Variants in ZNF280B observed in about 807,000 individuals in gnomAD.
ZNF280B encodes the protein zinc finger protein 280B.
ZNF280B carries 16 observed loss-of-function variants against 38.0 expected under a neutral mutation model. The observed-to-expected ratio is 0.42, with a 90% CI of 0.28 to 0.64. The LOEUF is 0.64. ZNF280B is among the 30% of genes least tolerant of loss of function. ZNF280B has a pLI of 0.21. For synonymous variants in ZNF280B, 253 were observed against 230.6 expected (o/e 1.10, Z -0.88); for missense variants, 581 against 639.6 (o/e 0.91, Z 0.99).
Position 22,486,286 on chromosome 22 carries a change from T to C in ZNF280B, c.*1481A>G, listed in dbSNP as rs1392549410. ...ATATAAAGCCATTATGGGTTTAAATTCAGTCAGTCACCCTGGGCTATTTTT... is the reference window on the plus strand; with the variant it reads ...ATATAAAGCCATTATGGGTTTAAATCCAGTCAGTCACCCTGGGCTATTTTT... On this transcript the variant is annotated 3_prime_UTR_variant, in exon 4 of 4. Transcript: ENST00000626650. The C allele has an allele frequency of 6.6e-6, 1 of 152,286 alleles. No homozygotes were observed. The highest frequency in any genetic ancestry group is 1.5e-5 in the Non-Finnish European group (1 of 68,028). 9.4% of individuals were successfully genotyped at this position (152,286 alleles called of 1,614,324 possible).
At chr22:22,493,302 C>T (rs1020845782) in intron 3 of ZNF280B, among the ~76,000 whole-genome samples, 1 of 151,884 alleles carries the variant, frequency 6.6e-6, no homozygotes, top group Non-Finnish European at 1.5e-5. Flanking sequence ...CCACCATGCC[C>T]GGCCAATCTG....
In ZNF280B at chr22:22,493,779, C is replaced by A. The variant is rs2061643603; in HGVS notation, c.-69+284G>T. On this transcript the variant is annotated intron_variant, in intron 3 of 3. Coordinates refer to ENST00000626650, the MANE Select transcript of ZNF280B (RefSeq NM_080764.4). ...CTTCAAATTATATAACACAACACCA[C>A]AAGATGGATCTTAAAACACAACTGT... 3.3e-5 allele frequency among the ~76,000 whole-genome samples: 5 copies of A among 152,016 alleles called. 1 individual carries two copies. In the South Asian group the frequency reaches 1.0e-3, roughly 32 times the overall value.
At chr22:22,502,909 C>T (rs1302538672) in intron 2 of ZNF280B, among the ~76,000 whole-genome samples, 1 of 151,882 alleles carries the variant, frequency 6.6e-6, no homozygotes, top group African/African-American at 2.4e-5. Context: ...TACAGGTGGG[C>T]CCTAAATGCC....
rs746243078 is a variant in ZNF280B at position 22,489,223 on chromosome 22, T to C, written c.176A>G (p.Asn59Ser). ...ACCCGGGGTGACTCTGTTCAAAATG[T>C]TTGAAACGACTGGTTTTGAATTTGA... is the stretch of plus-strand genomic sequence containing the variant. Reference protein sequence around the residue: ...VTSNSKPVVSNILNRVTPGSW... With the variant: ...VTSNSKPVVSSILNRVTPGSW... The change falls in exon 4 of 4, where the codon AAC (asparagine) becomes AGC (serine). Residue 59 changes from asparagine to serine, a missense_variant. Coordinates refer to ENST00000626650, the MANE Select transcript of ZNF280B (RefSeq NM_080764.4). 2.5e-6 allele frequency: 4 copies of C among 1,613,832 alleles called. No homozygotes were observed. In the Admixed American group the frequency reaches 6.7e-5, roughly 27 times the overall value.
Position 22,484,502 on chromosome 22 carries a change from C to T in ZNF280B, c.*3265G>A, listed in dbSNP as rs920317007. 4 of 152,238 alleles carry T rather than the reference C, an allele frequency of 2.6e-5. No homozygotes were observed. In the East Asian group the frequency reaches 7.8e-4, roughly 30 times the overall value. 9.4% of individuals were successfully genotyped at this position (152,238 alleles called of 1,614,324 possible). A position where few individuals can be genotyped will look rare whatever the true frequency, so the allele number is the denominator to read the frequency against. On this transcript the variant is annotated 3_prime_UTR_variant, in exon 4 of 4. Transcript: ENST00000626650. ...AACATTAATAAAATAATAAATTTCA[C>T]CTGAAAGAACAAGCGAGCAAAATAG...
At chr22:22,490,853 C>T (rs756997738) in intron 3 of ZNF280B, among the ~76,000 whole-genome samples, 24 of 151,584 alleles carry the variant, frequency 1.6e-4, no homozygotes, top group Admixed American at 3.3e-4. Context: ...TTTGGGTATC[C>T]GCATGGCTAG....
chr22:22,498,632 A>C lies in ZNF280B; in HGVS notation c.-186-4452T>G, dbSNP rs570540118. 1.1e-4 allele frequency among the ~76,000 whole-genome samples: 17 copies of C among 151,984 alleles called. 1 individual carries two copies. Among genetic ancestry groups the C allele is most frequent in the African/African-American group, 3.1e-4 (13 of 41,486 alleles). The stretch of plus-strand genomic sequence containing the variant: ...CAGATAGCTATGCTAGTAAATTCTT[A>C]ACGTTTTTAAAAGAATTAACACCAA... On this transcript the variant is annotated intron_variant, in intron 2 of 3. Transcript: ENST00000626650.
rs186387460 is a variant in ZNF280B, at chr22:22,491,347, A to G, written c.-68-1881T>C. Among the ~76,000 whole-genome samples the G allele has an allele frequency of 1.0e-3, 156 of 152,036 alleles. 1 individual carries two copies. Among genetic ancestry groups the G allele is most frequent in the Admixed American group, 4.1e-3 (63 of 15,246 alleles). Reference sequence around the variant, plus strand: ...GACCACAACCAATAGTTTAAAAAAAAAAAAGTTATATGGAGTCCAATTACA... The same window carrying G: ...GACCACAACCAATAGTTTAAAAAAAGAAAAGTTATATGGAGTCCAATTACA... On this transcript the variant is annotated intron_variant, in intron 3 of 3. Transcript: ENST00000626650.
intron 2 of ZNF280B, among the ~76,000 whole-genome samples, chr22:22,501,041 A>C (rs943235956): frequency 3.7e-5 from 5 of 136,090 alleles, no homozygotes; most frequent in Admixed American, 7.5e-5. Context: ...AAAAAAAAAA[A>C]CAAAAAACCA....
intron 2 of ZNF280B, among the ~76,000 whole-genome samples, chr22:22,497,900 C>A (rs1168202653): frequency 6.6e-6 from 1 of 151,862 alleles, no homozygotes; most frequent in Non-Finnish European, 1.5e-5. Context: ...TACTCAAGTA[C>A]ATGTATACTT....
chr22:22,497,207 TTA>T (rs2061716111), intron 2 of ZNF280B, among the ~76,000 whole-genome samples: 2 of 84,346 alleles, frequency 2.4e-5, no homozygotes, highest in Non-Finnish European at 4.2e-5. Context: ...GTCTCCATCT[TTA>T]AAAAAAAAAA....
chr22:22,494,436 C>T (rs2061655332), intron 2 of ZNF280B, among the ~76,000 whole-genome samples: 1 of 151,846 alleles, frequency 6.6e-6, no homozygotes, highest in African/African-American at 2.4e-5. Flanking sequence ...AGCATTAGAC[C>T]ATGAGAGTTT....
In ZNF280B at chr22:22,489,154, G is replaced by A. The variant is rs1249532563; in HGVS notation, c.245C>T (p.Thr82Ile). ...ACTTTTAGGCTGCAATTTGCGAGCAGTATCTTTTCTAAGGTGATCATACTT... is the reference window on the plus strand; with the variant it reads ...ACTTTTAGGCTGCAATTTGCGAGCAATATCTTTTCTAAGGTGATCATACTT... ...RKKYDHLRKD[T>I]ARKLQPKSHE... Residue 82 changes from threonine (T) to isoleucine (I), a missense_variant, in exon 4 of 4, where the codon ACT (threonine) becomes ATT (isoleucine). Transcript: ENST00000626650. The A allele has an allele frequency of 1.9e-6, 3 of 1,613,822 alleles. No individual in the cohort carries two copies. Among genetic ancestry groups the A allele is most frequent in the Admixed American group, 3.3e-5 (2 of 59,988 alleles).
rs879799919 is a variant in ZNF280B at position 22,488,293 on chromosome 22, T to C, written c.1106A>G (p.Gln369Arg). 5 of 1,613,758 alleles carry C rather than the reference T, an allele frequency of 3.1e-6. No individual in the cohort carries two copies. The highest frequency in any genetic ancestry group is 4.2e-6 in the Non-Finnish European group (5 of 1,179,970). ...QCHIENVHTA[Q>R]EPSTVCKICE... ...GATTTTACAGACAGTAGAGGGCTCCTGGGCAGTGTGGACATTTTCGATGTG... is the reference window on the plus strand; with the variant it reads ...GATTTTACAGACAGTAGAGGGCTCCCGGGCAGTGTGGACATTTTCGATGTG... Residue 369 changes from glutamine (Q) to arginine (R), a missense_variant, in exon 4 of 4, where the codon CAG becomes CGG. Coordinates refer to ENST00000626650, the MANE Select transcript of ZNF280B (RefSeq NM_080764.4).
At chr22:22,504,426 G>GAAAA (rs1314633209) in intron 2 of ZNF280B, among the ~76,000 whole-genome samples, 3 of 121,252 alleles carry the variant, frequency 2.5e-5, no homozygotes, top group East Asian at 2.6e-4. Context: ...GACTCCGTCT[G>GAAAA]AAAAAAAAAA....
chr22:22,492,306 T>G (rs2061611026), intron 3 of ZNF280B, among the ~76,000 whole-genome samples: 1 of 151,938 alleles, frequency 6.6e-6, no homozygotes, highest in South Asian at 2.1e-4. Context: ...AACTCCAGGA[T>G]GATGTCACCT....
At chr22:22,490,138 T>C (rs931334589) in intron 3 of ZNF280B, among the ~76,000 whole-genome samples, 1 of 151,940 alleles carries the variant, frequency 6.6e-6, no homozygotes, top group African/African-American at 2.4e-5. Flanking sequence ...TCATCCCAAC[T>C]CATGGCCTTA....
At position 22,489,195 on chromosome 22, in the gene ZNF280B, T is replaced by C. The variant is rs756023763; in HGVS notation, c.204A>G (p.Ser68=). The change falls in exon 4 of 4, where the codon TCA becomes TCG. Residue 68 remains serine, a synonymous_variant. Coordinates refer to ENST00000626650, the MANE Select transcript of ZNF280B (RefSeq NM_080764.4). ...GATCATACTTTTTTCTCCTTGACCA[T>C]GAACCCGGGGTGACTCTGTTCAAAA... is the stretch of plus-strand genomic sequence containing the variant. The part of the protein sequence containing the change: ...SNILNRVTPG[S]WSRRKKYDHL... The C allele has an allele frequency of 1.4e-5, 23 of 1,613,712 alleles. No homozygotes were observed. The African/African-American group carries it at 1.5e-4, about 10-fold the overall frequency.
At chr22:22,500,299 G>A (rs1019254398) in intron 2 of ZNF280B, among the ~76,000 whole-genome samples, 5 of 151,516 alleles carry the variant, frequency 3.3e-5, no homozygotes, top group Non-Finnish European at 7.4e-5. Context: ...TTCACAGAAG[G>A]ACTATTAAAA....
Sources: allele counts gnomAD v4.1 joint callset (sites outside exome capture counted in the v4.1 genomes callset), GRCh38; gene constraint gnomAD v4.1.1; transcripts MANE v1.5; gene names NCBI Gene and HGNC (gene_info 2026-07-23, HGNC 2026-07-21).